The following GTF2A1L variants were observed in gnomAD, a reference collection of about 807,000 sequenced individuals.
GTF2A1L encodes general transcription factor IIA subunit 1 like.
Under a neutral mutation model 49.7 loss-of-function variants are expected in GTF2A1L, and 48 were observed. The ratio of observed to expected loss-of-function variants is 0.97; its 90% confidence interval spans 0.77 to 1.23. The LOEUF is 1.23. Among genes scored for constraint, GTF2A1L ranks in the 50% most tolerant of loss-of-function variants. The probability of loss-of-function intolerance (pLI) is 0.00; values close to 1 mark genes in which losing one functional copy is unlikely to be tolerated. For synonymous variants in GTF2A1L, 246 were observed against 193.5 expected (o/e 1.27, Z -2.25); for missense variants, 736 against 564.8 (o/e 1.30, Z -3.07).
intron 6 of GTF2A1L, among the ~76,000 whole-genome samples, chr2:48,654,317 A>G (rs1678045323): frequency 6.6e-6 from 1 of 152,192 alleles, no homozygotes; most frequent in Non-Finnish European, 1.5e-5. Context: ...ATACTTCTAA[A>G]AACTGTATAG....
chr2:48,656,364 T>G (rs1409663795), intron 6 of GTF2A1L, among the ~76,000 whole-genome samples: 3 of 149,584 alleles, frequency 2.0e-5, no homozygotes, highest in East Asian at 3.9e-4. Context: ...TTTTTTTTTT[T>G]TTTTTTTTTT....
intron 6 of GTF2A1L, among the ~76,000 whole-genome samples, chr2:48,664,335 T>C (rs2104284439): frequency 6.6e-6 from 1 of 152,030 alleles, no homozygotes; most frequent in East Asian, 1.9e-4. Context: ...TTTTAAATCA[T>C]GAGTTGATGT....
intron 3 of GTF2A1L, chr2:48,632,829 A>C (rs916552014): frequency 9.1e-6 from 2 of 220,282 alleles, no homozygotes; most frequent in African/African-American, 4.8e-5. Context: ...CAGGTGATAG[A>C]GCCAAAGTAA....
At chr2:48,633,766 T>C (rs547743718) in intron 3 of GTF2A1L, among the ~76,000 whole-genome samples, 49 of 152,360 alleles carry the variant, frequency 3.2e-4, no homozygotes, top group South Asian at 8.3e-4. Context: ...CGTATGGCTG[T>C]ATAAGAGTTT....
At chr2:48,635,738 C>G (rs1025643710) in intron 3 of GTF2A1L, among the ~76,000 whole-genome samples, 2 of 151,994 alleles carry the variant, frequency 1.3e-5, no homozygotes, top group African/African-American at 4.8e-5. Context: ...GAGTAAAATG[C>G]TTGTATGGCC....
In GTF2A1L at chr2:48,625,875, G is replaced by A. The variant is rs926637807; in HGVS notation, c.247+4585G>A. Among the ~76,000 whole-genome samples, 91 of 144,026 alleles carry A rather than the reference G, an allele frequency of 6.3e-4. 5 individuals carry two copies. Among genetic ancestry groups the A allele is most frequent in the African/African-American group, 2.0e-3 (81 of 40,506 alleles). The allele number at this position is 144,026 out of a possible 152,430, so 94.5% of individuals were successfully genotyped here. On this transcript the variant is annotated intron_variant, in intron 3 of 8. Transcript: ENST00000403751. ...TGGGATTACAGATGTGAGCGACTGT[G>A]CCTGGCTTATTTATTTTCGCTTTTG...
At chr2:48,632,520 T>C in intron 3 of GTF2A1L, 1 of 152,598 alleles carries the variant, frequency 6.6e-6, no homozygotes, top group Non-Finnish European at 1.5e-5. Flanking sequence ...GTAGCTGGGA[T>C]TACAGGCATG....
chr2:48,635,433 C>A (rs955830646), intron 3 of GTF2A1L, among the ~76,000 whole-genome samples: 7 of 152,022 alleles, frequency 4.6e-5, no homozygotes, highest in Admixed American at 2.0e-4. Flanking sequence ...GCCTGGATTT[C>A]TGCTTGGGGG....
intron 8 of GTF2A1L, 25 bp downstream of exon 8, chr2:48,671,705 T>C (rs780169840): frequency 1.9e-6 from 3 of 1,596,230 alleles, no homozygotes; most frequent in South Asian, 1.1e-5. Flanking sequence ...TTTTGGACTT[T>C]GGGTTTATTA....
In GTF2A1L at chr2:48,662,247, T is replaced by A. The variant is rs962847578; in HGVS notation, c.979-7475T>A. On this transcript the variant is annotated intron_variant, in intron 6 of 8. Transcript: ENST00000403751. ...TTTACACATTAACATAGTTTTTTAA[T>A]GCTTTTGTCTTTTAAATGATGTAGA... 1.1e-4 allele frequency among the ~76,000 whole-genome samples: 17 copies of A among 152,234 alleles called. 1 individual carries two copies. The highest frequency in any genetic ancestry group is 2.9e-5 in the Non-Finnish European group (2 of 68,032).
rs374302285 is a variant in GTF2A1L, at chr2:48,671,469, G to A, written c.1240-122G>A. Reference sequence around the variant, plus strand: ...TCTGCCTGCCTAGGCCTCCCGTAGTGCTGGGATTATAGGAATGAGCCACCA... The same window carrying A: ...TCTGCCTGCCTAGGCCTCCCGTAGTACTGGGATTATAGGAATGAGCCACCA... On this transcript the variant is annotated intron_variant, in intron 7 of 8. Coordinates refer to ENST00000403751, the MANE Select transcript of GTF2A1L (RefSeq NM_006872.5). 2.5e-5 allele frequency: 24 copies of A among 966,852 alleles called. No homozygotes were observed. In the East Asian group the frequency reaches 4.5e-4, roughly 18 times the overall value. The allele number at this position is 966,852 out of a possible 1,614,324, so 59.9% of individuals were successfully genotyped here.
At chr2:48,637,083 G>T (rs1345933660) in intron 3 of GTF2A1L, among the ~76,000 whole-genome samples, 7 of 152,168 alleles carry the variant, frequency 4.6e-5, no homozygotes, top group Non-Finnish European at 1.5e-5. Context: ...CAGCAATGTG[G>T]TTGGTTCTTT....
At chr2:48,664,227 T>C (rs1678687041) in intron 6 of GTF2A1L, among the ~76,000 whole-genome samples, 1 of 152,128 alleles carries the variant, frequency 6.6e-6, no homozygotes, top group Non-Finnish European at 1.5e-5. Context: ...AAGCATTCTA[T>C]CTTTCACCAA....
At chr2:48,630,033 T>C (rs1558706297) in intron 3 of GTF2A1L, among the ~76,000 whole-genome samples, 1 of 144,456 alleles carries the variant, frequency 6.9e-6, no homozygotes. Flanking sequence ...ATAGTATGGG[T>C]GAAGTTCTGT....
At chr2:48,655,170 A>G (rs1678101780) in intron 6 of GTF2A1L, among the ~76,000 whole-genome samples, 1 of 151,788 alleles carries the variant, frequency 6.6e-6, no homozygotes, top group African/African-American at 2.4e-5. Context: ...TTCTGTTACT[A>G]ATATTTTCTA....
chr2:48,622,431 T>A (rs1223397500), intron 3 of GTF2A1L, among the ~76,000 whole-genome samples: 1 of 152,190 alleles, frequency 6.6e-6, no homozygotes, highest in Admixed American at 6.5e-5. Flanking sequence ...TTGGGACATC[T>A]CCTTCTCTGT....
At chr2:48,621,123 T>C in intron 2 of GTF2A1L, 44 bp from the exon 3 acceptor site, 1 of 1,579,460 alleles carries the variant, frequency 6.3e-7, no homozygotes, top group Non-Finnish European at 8.6e-7. Flanking sequence ...TCATTATATG[T>C]GTATATATTT....
At position 48,653,090 on chromosome 2, in the gene GTF2A1L, G is replaced by A. The variant is rs192210638; in HGVS notation, c.978+6048G>A. The stretch of plus-strand genomic sequence containing the variant: ...TAAAAATACAAAAAATTAGCCTGGC[G>A]TGCGGCTGTAGTCCCAGCTACTCGG... On this transcript the variant is annotated intron_variant, in intron 6 of 8. Coordinates refer to ENST00000403751, the MANE Select transcript of GTF2A1L (RefSeq NM_006872.5). Among the ~76,000 whole-genome samples, 32 of 151,370 alleles carry A rather than the reference G, an allele frequency of 2.1e-4. No homozygotes were observed. The East Asian group carries it at 2.8e-3, about 13-fold the overall frequency.
At chr2:48,642,041 A>G (rs962654056) in intron 3 of GTF2A1L, among the ~76,000 whole-genome samples, 2 of 152,220 alleles carry the variant, frequency 1.3e-5, no homozygotes, top group East Asian at 3.8e-4. Flanking sequence ...GGGTTAACAT[A>G]TTTATGCTCA....
Sources: gnomAD v4.1 joint callset for allele counts (sites outside exome capture counted in the v4.1 genomes callset) on GRCh38, gnomAD v4.1.1 for gene constraint, MANE v1.5 for transcripts, NCBI Gene and HGNC (gene_info 2026-07-23, HGNC 2026-07-21) for gene names.